The following PGM1 variants were observed in gnomAD, a reference collection of about 807,000 sequenced individuals.
The protein encoded by PGM1 is phosphoglucomutase-1.
Under a neutral mutation model 55.6 loss-of-function variants are expected in PGM1, and 52 were observed. That is an observed-to-expected ratio of 0.94 (90% CI 0.75 to 1.18). PGM1 has a LOEUF of 1.18. Among genes scored for constraint, PGM1 ranks in the 50% most tolerant of loss-of-function variants. PGM1 has a pLI of 0.00. For synonymous variants in PGM1, 287 were observed against 271.7 expected, an observed-to-expected ratio of 1.06 and a Z score of -0.55; for missense variants, 724 against 729.3, an observed-to-expected ratio of 0.99 and a Z score of 0.08.
At chr1:63,616,545 A>T (rs1378773757) in intron 1 of PGM1, among the ~76,000 whole-genome samples, 1 of 152,110 alleles carries the variant, frequency 6.6e-6, no homozygotes, top group South Asian at 2.1e-4. Flanking sequence ...TTCTGCACCA[A>T]AAGTTTCTTG....
At chr1:63,657,682 G>A (rs1371702313) in intron 10 of PGM1, among the ~76,000 whole-genome samples, 2 of 152,112 alleles carry the variant, frequency 1.3e-5, no homozygotes, top group Non-Finnish European at 2.9e-5. Flanking sequence ...TCCTGTGTCT[G>A]TGAATTTGAC....
chr1:63,656,457 GAAAT>G (rs1372657419), intron 10 of PGM1, among the ~76,000 whole-genome samples: 1 of 152,190 alleles, frequency 6.6e-6, no homozygotes, highest in African/African-American at 2.4e-5. Flanking sequence ...CAGAGGAACT[GAAAT>G]AAATATGTCA....
At chr1:63,639,955 T>C (rs1022899126) in intron 7 of PGM1, among the ~76,000 whole-genome samples, 3 of 152,178 alleles carry the variant, frequency 2.0e-5, no homozygotes, top group Non-Finnish European at 4.4e-5. Flanking sequence ...GCTGGATGAG[T>C]CTTGGGGTTG....
At chr1:63,599,509 A>C (rs1041105418) in intron 1 of PGM1, among the ~76,000 whole-genome samples, 7 of 152,136 alleles carry the variant, frequency 4.6e-5, no homozygotes, top group South Asian at 2.1e-4. Flanking sequence ...AAAAAAAAAA[A>C]AAACCACTTT....
chr1:63,606,394 G>A (rs540849114), intron 1 of PGM1, among the ~76,000 whole-genome samples: 2 of 152,308 alleles, frequency 1.3e-5, no homozygotes, highest in Non-Finnish European at 2.9e-5. Context: ...TATCCTGGGT[G>A]TGGGCAGTCC....
intron 7 of PGM1, among the ~76,000 whole-genome samples, chr1:63,648,269 G>C (rs1649706026): frequency 6.6e-6 from 1 of 152,146 alleles, no homozygotes; most frequent in African/African-American, 2.4e-5. Flanking sequence ...TCTTCACATG[G>C]CTGCAGGAGA....
chr1:63,623,636 A>G (rs1203030075), intron 1 of PGM1: 1 of 1,612,664 alleles, frequency 6.2e-7, no homozygotes, highest in Non-Finnish European at 8.5e-7. Flanking sequence ...AATTTCATCC[A>G]GAGTATATTC....
chr1:63,645,705 T>G (rs1026630082), intron 7 of PGM1, among the ~76,000 whole-genome samples: 1 of 152,236 alleles, frequency 6.6e-6, no homozygotes, highest in Non-Finnish European at 1.5e-5. Flanking sequence ...TTTTGAGGAC[T>G]GTTAACTTCT....
intron 1 of PGM1, among the ~76,000 whole-genome samples, chr1:63,595,891 C>G (rs968481302): frequency 6.6e-6 from 1 of 152,140 alleles, no homozygotes; most frequent in Admixed American, 6.5e-5. Flanking sequence ...AGCCATTGCC[C>G]TATTGCTCTT....
rs927081534 is a variant in PGM1, at chr1:63,609,082, C to CT, written c.246+15349dup. Among the ~76,000 whole-genome samples, 74 of 152,298 alleles carry CT rather than the reference C, an allele frequency of 4.9e-4. 1 individual carries two copies. Among genetic ancestry groups the CT allele is most frequent in the Admixed American group, 4.8e-3 (73 of 15,308 alleles). ...GAGGGTCTTTGTGCCTCTTACCACC[C>CT]TCACTTTTTGGCTGTCCTATCCTGC... is the stretch of plus-strand genomic sequence containing the variant. On this transcript the variant is annotated intron_variant, in intron 1 of 10. Coordinates refer to ENST00000371084, the MANE Select transcript of PGM1 (RefSeq NM_002633.3).
chr1:63,653,133 A>G (rs1448515566), intron 9 of PGM1, among the ~76,000 whole-genome samples: 1 of 152,220 alleles, frequency 6.6e-6, no homozygotes, highest in Non-Finnish European at 1.5e-5. Flanking sequence ...CCTAAGCTCG[A>G]GAGCTGCCCT....
chr1:63,646,752 G>GT (rs1343794193), intron 7 of PGM1, among the ~76,000 whole-genome samples: 3 of 152,042 alleles, frequency 2.0e-5, no homozygotes, highest in Non-Finnish European at 2.9e-5. Context: ...TCTCATTGTG[G>GT]TTTTAACTTT....
At chr1:63,647,582 C>T (rs907249997) in intron 7 of PGM1, among the ~76,000 whole-genome samples, 3 of 151,110 alleles carry the variant, frequency 2.0e-5, no homozygotes, top group Admixed American at 1.3e-4. Flanking sequence ...GTTTTACATT[C>T]GAATTTTTAG....
chr1:63,618,411 C>G (rs1648799221), intron 1 of PGM1, among the ~76,000 whole-genome samples: 2 of 152,170 alleles, frequency 1.3e-5, no homozygotes, highest in Admixed American at 1.3e-4. Context: ...AAAATCCTGT[C>G]TAAATAAGTA....
At chr1:63,640,400 G>C in intron 7 of PGM1, among the ~76,000 whole-genome samples, 1 of 152,052 alleles carries the variant, frequency 6.6e-6, no homozygotes, top group Admixed American at 6.6e-5. Flanking sequence ...TCTCTGTTTT[G>C]GATATTCACA....
At chr1:63,625,087 A>G (rs1337322436) in intron 1 of PGM1, among the ~76,000 whole-genome samples, 2 of 152,238 alleles carry the variant, frequency 1.3e-5, no homozygotes, top group Non-Finnish European at 2.9e-5. Flanking sequence ...TTATTTCTCC[A>G]CATATATCTA....
chr1:63,654,714 C>T (rs1328989716), intron 10 of PGM1, among the ~76,000 whole-genome samples: 1 of 151,956 alleles, frequency 6.6e-6, no homozygotes, highest in Non-Finnish European at 1.5e-5. Context: ...CAAGATCACA[C>T]CACTGCACTT....
At chr1:63,625,879 C>T (rs546987161) in intron 1 of PGM1, among the ~76,000 whole-genome samples, 3 of 152,244 alleles carry the variant, frequency 2.0e-5, no homozygotes, top group East Asian at 1.9e-4. Context: ...ATTCAGTCCC[C>T]AGAGCTCTAA....
chr1:63,622,447 G>C (rs1648906095), intron 1 of PGM1, among the ~76,000 whole-genome samples: 1 of 152,134 alleles, frequency 6.6e-6, no homozygotes, highest in African/African-American at 2.4e-5. Flanking sequence ...AAATACAAAG[G>C]ACTTAAACTG....
Sources: gnomAD v4.1 joint callset for allele counts (sites outside exome capture counted in the v4.1 genomes callset) on GRCh38, gnomAD v4.1.1 for gene constraint, MANE v1.5 for transcripts, NCBI Gene and HGNC (gene_info 2026-07-23, HGNC 2026-07-21) for gene names.